ACBD6: variants seen among roughly 807,000 people sequenced by gnomAD.
The protein encoded by ACBD6 is acyl-CoA binding domain containing 6.
In ACBD6, 28 loss-of-function variants were observed where a neutral mutation model predicts 37.2. That is an observed-to-expected ratio of 0.75 (90% CI 0.56 to 1.03). The LOEUF is 1.03. Among genes scored for constraint, ACBD6 ranks in the 50% least tolerant of loss-of-function variants. The pLI, the probability that ACBD6 is intolerant of heterozygous loss-of-function variation, is 0.00. For missense variants in ACBD6, 340 were observed against 337.4 expected (o/e 1.01, Z -0.06); for synonymous variants, 113 against 126.8 (o/e 0.89, Z 0.73).
chr1:180,330,921 C>G (rs1218538439), intron 6 of ACBD6, among the ~76,000 whole-genome samples: 2 of 152,176 alleles, frequency 1.3e-5, no homozygotes, highest in Non-Finnish European at 2.9e-5. Context: ...CAATTAGCAT[C>G]AATTATTCGG....
intron 6 of ACBD6, 100 bp from the exon 7 acceptor site, chr1:180,314,822 A>T: frequency 1.1e-6 from 1 of 900,832 alleles, no homozygotes; most frequent in South Asian, 1.4e-5. Flanking sequence ...CCAAAGTTCC[A>T]TAGGTTTATC....
At chr1:180,333,811 CCACT>C (rs1473902912) in intron 6 of ACBD6, among the ~76,000 whole-genome samples, 1 of 152,180 alleles carries the variant, frequency 6.6e-6, no homozygotes, top group Non-Finnish European at 1.5e-5. Context: ...CAGGTCACTC[CCACT>C]CTAATACTGC....
At chr1:180,297,320 C>T (rs577682093) in intron 7 of ACBD6, among the ~76,000 whole-genome samples, 1 of 152,270 alleles carries the variant, frequency 6.6e-6, no homozygotes, top group Non-Finnish European at 1.5e-5. Context: ...CAAGCTTAGG[C>T]ACCAAACTCT....
chr1:180,284,194 G>A (rs1284175482), downstream of ACBD6, among the ~76,000 whole-genome samples: 2 of 152,070 alleles, frequency 1.3e-5, no homozygotes, highest in East Asian at 1.9e-4. Context: ...AGCATAAGAA[G>A]GAAGCATATT....
intron 4 of ACBD6, among the ~76,000 whole-genome samples, chr1:180,423,467 T>G (rs1315036349): frequency 1.3e-5 from 2 of 152,188 alleles, no homozygotes; most frequent in African/African-American, 4.8e-5. Context: ...AGGTACTTAG[T>G]TCTAGGTCTA....
intron 3 of ACBD6, chr1:180,434,692 CTG>C: frequency 2.3e-6 from 1 of 440,840 alleles, no homozygotes; most frequent in Non-Finnish European, 4.2e-6. Context: ...TCGAGTTGTC[CTG>C]TCTTTCCAAA....
chr1:180,421,045 C>T (rs1222385161), intron 4 of ACBD6, among the ~76,000 whole-genome samples: 1 of 151,954 alleles, frequency 6.6e-6, no homozygotes, highest in Non-Finnish European at 1.5e-5. Context: ...GGTACATGTA[C>T]AGGATGTGCA....
chr1:180,442,851 CTT>C (rs1169718576), intron 3 of ACBD6, among the ~76,000 whole-genome samples: 1 of 152,108 alleles, frequency 6.6e-6, no homozygotes, highest in Non-Finnish European at 1.5e-5. Flanking sequence ...CATATGTTCA[CTT>C]TTTCCTCTAC....
chr1:180,289,792 G>A (rs1649630775), intron 7 of ACBD6, among the ~76,000 whole-genome samples: 1 of 151,994 alleles, frequency 6.6e-6, no homozygotes, highest in South Asian at 2.1e-4. Context: ...ACATAATGTT[G>A]AAGGGAAAAA....
At chr1:180,357,157 T>C (rs59462319) in intron 6 of ACBD6, among the ~76,000 whole-genome samples, 1,600 of 152,338 alleles carry the variant, frequency 0.011, 24 homozygotes, top group African/African-American at 0.035. Flanking sequence ...AATTAAAACA[T>C]ATTTATATAT....
At chr1:180,342,566 AATT>A (rs1652021705) in intron 6 of ACBD6, among the ~76,000 whole-genome samples, 2 of 151,762 alleles carry the variant, frequency 1.3e-5, no homozygotes, top group African/African-American at 4.9e-5. Context: ...TTCAGCTTTA[AATT>A]ATTATTAATA....
chr1:180,422,518 C>A (rs1557863340), intron 4 of ACBD6, among the ~76,000 whole-genome samples: 1 of 152,114 alleles, frequency 6.6e-6, no homozygotes, highest in African/African-American at 2.4e-5. Flanking sequence ...CATCCCTTTT[C>A]TTTTTTACAG....
intron 3 of ACBD6, among the ~76,000 whole-genome samples, chr1:180,489,724 T>A (rs1651415212): frequency 6.9e-6 from 1 of 144,934 alleles, no homozygotes; most frequent in Non-Finnish European, 1.5e-5. Flanking sequence ...TGGCACAACC[T>A]CGGCTCACTG....
chr1:180,386,671 T>C (rs948913370), intron 6 of ACBD6, among the ~76,000 whole-genome samples: 2 of 152,132 alleles, frequency 1.3e-5, no homozygotes, highest in South Asian at 4.2e-4. Flanking sequence ...TTAAGTTCAC[T>C]GATCTTTTTA....
chr1:180,458,129 A>G (rs75862728), intron 3 of ACBD6, among the ~76,000 whole-genome samples: 2,985 of 152,242 alleles, frequency 0.02, 99 homozygotes, highest in African/African-American at 0.067. Flanking sequence ...TGATAGTATA[A>G]TCCTAATATA....
At chr1:180,391,782 C>A (rs1469297606) in intron 6 of ACBD6, among the ~76,000 whole-genome samples, 2 of 152,016 alleles carry the variant, frequency 1.3e-5, no homozygotes, top group Non-Finnish European at 2.9e-5. Context: ...ATGCTATGAC[C>A]CAGCAATTCT....
chr1:180,489,252 A>G (rs938067631), intron 3 of ACBD6, among the ~76,000 whole-genome samples: 1 of 151,904 alleles, frequency 6.6e-6, no homozygotes, highest in Non-Finnish European at 1.5e-5. Context: ...GAAAATTATT[A>G]TTTAACCTAA....
At chr1:180,409,814 T>C (rs1647779230) in intron 5 of ACBD6, among the ~76,000 whole-genome samples, 5 of 152,094 alleles carry the variant, frequency 3.3e-5, no homozygotes, top group Admixed American at 3.3e-4. Flanking sequence ...AAACCTAGTA[T>C]CAAATGAAAG....
At chr1:180,374,880 T>C (rs531020639) in intron 6 of ACBD6, among the ~76,000 whole-genome samples, 1 of 152,188 alleles carries the variant, frequency 6.6e-6, no homozygotes, top group South Asian at 2.1e-4. Context: ...AGCAAAAATA[T>C]TAAACATTTA....
Sources: allele counts gnomAD v4.1 joint callset (sites outside exome capture counted in the v4.1 genomes callset), GRCh38; gene constraint gnomAD v4.1.1; transcripts MANE v1.5; gene names NCBI Gene and HGNC (gene_info 2026-07-23, HGNC 2026-07-21).